LRRC4C: variants seen among roughly 807,000 people sequenced by gnomAD.
LRRC4C encodes leucine-rich repeat-containing protein 4C.
Under a neutral mutation model 33.6 loss-of-function variants are expected in LRRC4C, and 5 were observed. The observed-to-expected ratio is 0.15, with a 90% CI of 0.08 to 0.31. The LOEUF is 0.31. Among genes scored for constraint, LRRC4C ranks in the 10% least tolerant of loss-of-function variants. The pLI is 1.00. For missense variants in LRRC4C, 560 were observed against 796.7 expected, an observed-to-expected ratio of 0.70 and a Z score of 3.58; for synonymous variants, 329 against 302.0, an observed-to-expected ratio of 1.09 and a Z score of -0.93.
intron 5 of LRRC4C, among the ~76,000 whole-genome samples, chr11:40,217,694 A>G (rs1022780611): frequency 2.0e-5 from 3 of 152,168 alleles, no homozygotes; most frequent in African/African-American, 7.2e-5. Flanking sequence ...GTCATGCAAT[A>G]AATGACAGAT....
rs750516782 is a variant in LRRC4C at position 40,863,200 on chromosome 11, A to T, written c.-407+70435T>A. Among the ~76,000 whole-genome samples the T allele has an allele frequency of 2.1e-4, 32 of 152,300 alleles. 1 individual carries two copies. Among genetic ancestry groups the T allele is most frequent in the Admixed American group, 3.9e-4 (6 of 15,288 alleles). ...TTAGCCTAAGGCTCATTGGTCCAAC[A>T]ACAAAGCACAGACTAATTCACTCTC... On this transcript the variant is annotated intron_variant, in intron 2 of 6. Coordinates refer to ENST00000528697, the MANE Select transcript of LRRC4C (RefSeq NM_001258419.2).
intron 1 of LRRC4C, among the ~76,000 whole-genome samples, chr11:41,054,303 G>A (rs772249361): frequency 6.6e-6 from 1 of 152,124 alleles, no homozygotes; most frequent in Non-Finnish European, 1.5e-5. Context: ...ATTCAAACCG[G>A]TGAACGTTCA....
At chr11:41,086,161 G>T (rs1331643260) in intron 1 of LRRC4C, among the ~76,000 whole-genome samples, 1 of 152,006 alleles carries the variant, frequency 6.6e-6, no homozygotes, top group African/African-American at 2.4e-5. Context: ...AATAAAGCAT[G>T]TGCTTCCACT....
intron 1 of LRRC4C, among the ~76,000 whole-genome samples, chr11:41,042,768 T>TTTG (rs548737449): frequency 6.6e-6 from 1 of 152,212 alleles, no homozygotes; most frequent in East Asian, 1.9e-4. Flanking sequence ...ATACCTTCTT[T>TTTG]TTGTTGTTGT....
chr11:41,078,221 T>C (rs1395404082), intron 1 of LRRC4C, among the ~76,000 whole-genome samples: 1 of 152,218 alleles, frequency 6.6e-6, no homozygotes, highest in African/African-American at 2.4e-5. Context: ...TCCAAGTCTC[T>C]AGAAAGTTCT....
chr11:40,479,364 A>C (rs11035858), intron 3 of LRRC4C, among the ~76,000 whole-genome samples: 17,547 of 152,246 alleles, frequency 0.12, 1,107 homozygotes, highest in East Asian at 0.15. Context: ...AAAGTGGTCC[A>C]TTTTGAGCTA....
chr11:40,535,532 T>C (rs1956436208), intron 3 of LRRC4C, among the ~76,000 whole-genome samples: 1 of 152,194 alleles, frequency 6.6e-6, no homozygotes, highest in Admixed American at 6.5e-5. Flanking sequence ...CTTTTAAACA[T>C]TGTTAACAGC....
intron 1 of LRRC4C, among the ~76,000 whole-genome samples, chr11:41,329,481 T>C (rs750047061): frequency 6.6e-6 from 1 of 152,222 alleles, no homozygotes; most frequent in African/African-American, 2.4e-5. Context: ...AACTACAAAA[T>C]GTAACCATGA....
chr11:40,650,388 CATG>C (rs934416970), intron 2 of LRRC4C, among the ~76,000 whole-genome samples: 1 of 152,280 alleles, frequency 6.6e-6, no homozygotes, highest in East Asian at 1.9e-4. Context: ...CCTGACCCAG[CATG>C]ATAACTGTCT....
At chr11:41,144,462 T>C (rs1943646904) in intron 1 of LRRC4C, among the ~76,000 whole-genome samples, 1 of 152,206 alleles carries the variant, frequency 6.6e-6, no homozygotes, top group African/African-American at 2.4e-5. Context: ...CATACAAACA[T>C]GTACACAGCC....
At chr11:40,734,610 C>T (rs1314156512) in intron 2 of LRRC4C, among the ~76,000 whole-genome samples, 3 of 152,068 alleles carry the variant, frequency 2.0e-5, no homozygotes, top group South Asian at 2.1e-4. Flanking sequence ...GTTGATCTAC[C>T]GTAAGTCACC....
At chr11:41,057,784 A>G (rs1858739789) in intron 1 of LRRC4C, among the ~76,000 whole-genome samples, 1 of 152,138 alleles carries the variant, frequency 6.6e-6, no homozygotes, top group Non-Finnish European at 1.5e-5. Context: ...TGAGTGCTGC[A>G]CAGATAATGG....
chr11:41,236,458 G>C (rs1948026692), intron 1 of LRRC4C, among the ~76,000 whole-genome samples: 1 of 151,860 alleles, frequency 6.6e-6, no homozygotes. Flanking sequence ...ACTAAGCTGT[G>C]GACTTCCCAA....
chr11:40,223,808 T>C (rs1864589084), intron 5 of LRRC4C, among the ~76,000 whole-genome samples: 1 of 152,208 alleles, frequency 6.6e-6, no homozygotes, highest in Non-Finnish European at 1.5e-5. Context: ...TCCAAGACCT[T>C]CCATTCATGT....
intron 1 of LRRC4C, among the ~76,000 whole-genome samples, chr11:41,160,698 G>A (rs559554858): frequency 6.6e-6 from 1 of 152,198 alleles, no homozygotes; most frequent in South Asian, 2.1e-4. Flanking sequence ...TAAAAATAGT[G>A]ATAATATTTG....
chr11:40,626,992 A>T (rs1238570250), intron 3 of LRRC4C, among the ~76,000 whole-genome samples: 2 of 151,234 alleles, frequency 1.3e-5, no homozygotes, highest in East Asian at 2.0e-4. Context: ...CTTTGCTACC[A>T]GTTAGAGTTC....
In LRRC4C at chr11:41,133,476, T is replaced by TCCC. The variant is rs199931314; in HGVS notation, c.-495-199756_-495-199754dup. 3.7e-3 allele frequency among the ~76,000 whole-genome samples: 527 copies of TCCC among 141,814 alleles called. 4 individuals carry two copies. Among genetic ancestry groups the TCCC allele is most frequent in the African/African-American group, 0.014 (495 of 35,538 alleles). 93.0% of individuals were successfully genotyped at this position (141,814 alleles called of 152,430 possible). On this transcript the variant is annotated intron_variant, in intron 1 of 6. Transcript: ENST00000528697. ...TTATAAACTACATATAAAATCCTAA[T>TCCC]CCCCCCCCCGCCCCCGCCAACCAAC...
chr11:40,130,116 G>T (rs1856543593), intron 6 of LRRC4C, among the ~76,000 whole-genome samples: 1 of 152,032 alleles, frequency 6.6e-6, no homozygotes, highest in Admixed American at 6.6e-5. Flanking sequence ...AGGTGTTTGG[G>T]GGTATGTTTA....
At chr11:40,616,739 A>G (rs1202353075) in intron 3 of LRRC4C, among the ~76,000 whole-genome samples, 1 of 151,908 alleles carries the variant, frequency 6.6e-6, no homozygotes, top group Non-Finnish European at 1.5e-5. Flanking sequence ...GAAGGGGAAC[A>G]TCATAAACCA....
Sources: allele counts gnomAD v4.1 joint callset (sites outside exome capture counted in the v4.1 genomes callset), GRCh38; gene constraint gnomAD v4.1.1; transcripts MANE v1.5; gene names NCBI Gene and HGNC (gene_info 2026-07-23, HGNC 2026-07-21).